The following CNTNAP2 variants were observed in gnomAD, a reference collection of about 807,000 sequenced individuals.
CNTNAP2 encodes contactin associated protein 2, also known as contactin-associated protein-like 2.
In CNTNAP2, 98 loss-of-function variants were observed where a neutral mutation model predicts 155.2. The ratio of observed to expected loss-of-function variants is 0.63; its 90% confidence interval spans 0.54 to 0.75. CNTNAP2 has a LOEUF of 0.75. Ranked by LOEUF, CNTNAP2 falls within the 30% of genes least tolerant of loss-of-function variation. CNTNAP2 has a pLI of 0.00. For synonymous variants in CNTNAP2, 651 were observed against 631.2 expected (o/e 1.03, Z -0.47); for missense variants, 1,727 against 1,688.1 (o/e 1.02, Z -0.40).
At chr7:147,898,888 C>T (rs1215020529) in intron 13 of CNTNAP2, among the ~76,000 whole-genome samples, 1 of 152,152 alleles carries the variant, frequency 6.6e-6, no homozygotes, top group Non-Finnish European at 1.5e-5. Context: ...CCACTCATTC[C>T]CCAGCTTCTG....
intron 2 of CNTNAP2, among the ~76,000 whole-genome samples, chr7:146,825,773 C>T (rs1455157297): frequency 1.3e-5 from 2 of 152,026 alleles, no homozygotes; most frequent in South Asian, 2.1e-4. Flanking sequence ...CATGTGTGGT[C>T]GACCTAGCTT....
chr7:147,522,488 T>G (rs910325239), intron 11 of CNTNAP2, among the ~76,000 whole-genome samples: 2 of 152,138 alleles, frequency 1.3e-5, no homozygotes, highest in African/African-American at 2.4e-5. Context: ...GATTTTCATA[T>G]GTAATATTTA....
chr7:147,111,523 T>A (rs951777076), intron 5 of CNTNAP2, among the ~76,000 whole-genome samples: 2 of 152,178 alleles, frequency 1.3e-5, no homozygotes, highest in Non-Finnish European at 2.9e-5. Context: ...AGTCTTTAAT[T>A]CATTTTGAAT....
At chr7:148,155,225 C>T (rs1805376368) in intron 17 of CNTNAP2, among the ~76,000 whole-genome samples, 1 of 152,148 alleles carries the variant, frequency 6.6e-6, no homozygotes. Context: ...TGGTTCCAGA[C>T]AGTCTGACTC....
chr7:147,579,411 C>G (rs940486926), intron 12 of CNTNAP2, among the ~76,000 whole-genome samples: 5 of 151,894 alleles, frequency 3.3e-5, no homozygotes, highest in African/African-American at 1.2e-4. Context: ...TTGTGTGGAA[C>G]TTATAATGTT....
chr7:147,327,279 T>C (rs892848769), intron 9 of CNTNAP2, among the ~76,000 whole-genome samples: 4 of 152,186 alleles, frequency 2.6e-5, no homozygotes, highest in African/African-American at 9.6e-5. Context: ...ATGATGTCCA[T>C]TGAAGAGCCT....
At chr7:147,982,270 C>A (rs1801543972) in intron 15 of CNTNAP2, among the ~76,000 whole-genome samples, 1 of 151,106 alleles carries the variant, frequency 6.6e-6, no homozygotes, top group Non-Finnish European at 1.5e-5. Flanking sequence ...TAAATAAATA[C>A]TTTGGAGCAA....
intron 3 of CNTNAP2, among the ~76,000 whole-genome samples, chr7:146,946,058 A>ACCCTTCCTTCCTT (rs1291257895): frequency 6.8e-6 from 1 of 146,734 alleles, no homozygotes; most frequent in Admixed American, 6.8e-5. Context: ...TGAAAAGGAG[A>ACCCTTCCTTCCTT]CCCTTCCTTC....
chr7:148,409,375 C>CTTTA lies in CNTNAP2; in HGVS notation c.3716-13_3716-12insATTT, dbSNP rs750528859. 1 of 1,596,998 alleles carries CTTTA rather than the reference C, an allele frequency of 6.3e-7. No homozygotes were observed. ...GTATACTTGACTCTGACACTTGACTCTTTCTTTCTCTACAGCCAGTGCGGA... is the reference window on the plus strand; with the variant it reads ...GTATACTTGACTCTGACACTTGACTCTTTATTTCTTTCTCTACAGCCAGTGCGGA... On this transcript the variant is annotated splice_polypyrimidine_tract_variant and intron_variant, in intron 22 of 23. Transcript: ENST00000361727.
At chr7:146,295,938 G>T (rs1011125944) in intron 1 of CNTNAP2, among the ~76,000 whole-genome samples, 1 of 151,610 alleles carries the variant, frequency 6.6e-6, no homozygotes, top group South Asian at 2.1e-4. Flanking sequence ...GCTTGACAGA[G>T]CAAAGTGAAG....
intron 8 of CNTNAP2, among the ~76,000 whole-genome samples, chr7:147,239,308 C>G: frequency 6.6e-6 from 1 of 151,788 alleles, no homozygotes; most frequent in African/African-American, 2.4e-5. Flanking sequence ...GAGTTCGAGA[C>G]CAGCCTGACC....
chr7:146,309,084 G>T (rs1800773551), intron 1 of CNTNAP2, among the ~76,000 whole-genome samples: 1 of 152,116 alleles, frequency 6.6e-6, no homozygotes, highest in African/African-American at 2.4e-5. Flanking sequence ...AGTGCAGGTG[G>T]GAGAACTAGA....
rs190987437 is a variant in CNTNAP2 at position 147,738,123 on chromosome 7, G to A, written c.2098+98817G>A. On this transcript the variant is annotated intron_variant, in intron 13 of 23. Transcript: ENST00000361727. The stretch of plus-strand genomic sequence containing the variant: ...TTTTGTGTCACTTACGCTGGGAGCT[G>A]TAGACTGGAGCTGTTCCTATTCAGC... Among the ~76,000 whole-genome samples, 3 of 152,280 alleles carry A rather than the reference G, an allele frequency of 2.0e-5. No homozygotes were observed. In the East Asian group the frequency reaches 5.8e-4, roughly 30 times the overall value.
intron 20 of CNTNAP2, among the ~76,000 whole-genome samples, chr7:148,256,431 T>A (rs543005178): frequency 1.3e-5 from 2 of 152,284 alleles, no homozygotes; most frequent in South Asian, 4.2e-4. Context: ...CCTAACTTGA[T>A]AAACATCCAT....
At chr7:148,278,426 C>T (rs986702426) in intron 21 of CNTNAP2, among the ~76,000 whole-genome samples, 4 of 151,990 alleles carry the variant, frequency 2.6e-5, no homozygotes, top group African/African-American at 4.8e-5. Context: ...AAAAATTAGC[C>T]GGGCGTGGTG....
At chr7:148,240,253 T>C (rs1403822752) in intron 20 of CNTNAP2, among the ~76,000 whole-genome samples, 1 of 152,206 alleles carries the variant, frequency 6.6e-6, no homozygotes, top group Admixed American at 6.5e-5. Flanking sequence ...ATAAAATGTA[T>C]CTTTTACAAC....
At chr7:148,331,721 G>GGACA (rs1798022697) in intron 21 of CNTNAP2, among the ~76,000 whole-genome samples, 1 of 150,292 alleles carries the variant, frequency 6.7e-6, no homozygotes, top group Non-Finnish European at 1.5e-5. Context: ...GTGGACGGAT[G>GGACA]GATTGGATGG....
At chr7:148,080,587 A>G (rs1803579009) in intron 15 of CNTNAP2, among the ~76,000 whole-genome samples, 1 of 148,300 alleles carries the variant, frequency 6.7e-6, no homozygotes, top group African/African-American at 2.5e-5. Flanking sequence ...CCTGGGCAAC[A>G]GAGCAAGACT....
At chr7:148,359,022 G>T (rs867555240) in intron 21 of CNTNAP2, among the ~76,000 whole-genome samples, 2 of 152,218 alleles carry the variant, frequency 1.3e-5, no homozygotes, top group Admixed American at 6.5e-5. Flanking sequence ...GTGTACAGTG[G>T]TGGTCCTATG....
Sources: allele counts gnomAD v4.1 joint callset (sites outside exome capture counted in the v4.1 genomes callset), GRCh38; gene constraint gnomAD v4.1.1; transcripts MANE v1.5; gene names NCBI Gene and HGNC (gene_info 2026-07-23, HGNC 2026-07-21).